The following INO80D variants were observed in gnomAD, a reference collection of about 807,000 sequenced individuals.
INO80D encodes the protein INO80 complex subunit D.
INO80D carries 21 observed loss-of-function variants against 87.6 expected under a neutral mutation model. The observed-to-expected ratio is 0.24, with a 90% CI of 0.17 to 0.35. INO80D has a LOEUF of 0.35. Ranked by LOEUF, INO80D falls within the 10% of genes least tolerant of loss-of-function variation. The pLI, the probability that INO80D is intolerant of heterozygous loss-of-function variation, is 1.00. For synonymous variants in INO80D, 440 were observed against 491.0 expected, an observed-to-expected ratio of 0.90 and a Z score of 1.37; for missense variants, 982 against 1,280.7, an observed-to-expected ratio of 0.77 and a Z score of 3.56.
intron 7 of INO80D, among the ~76,000 whole-genome samples, chr2:206,019,111 T>C (rs762912839): frequency 1.3e-5 from 2 of 152,206 alleles, no homozygotes; most frequent in African/African-American, 2.4e-5. Flanking sequence ...AACAATTAAA[T>C]AGATGGTAAA....
chr2:205,993,801 ACAGT>A lies in INO80D; in HGVS notation c.*10563_*10566del, dbSNP rs952806140. On this transcript the variant is annotated 3_prime_UTR_variant, in exon 11 of 11. Transcript: ENST00000403263. ...GTCACACTATATACAGATAATACATACAGTGTTTCATACACATATTACATCAGTT... is the reference window on the plus strand; with the variant it reads ...GTCACACTATATACAGATAATACATAGTTTCATACACATATTACATCAGTT... 4 of 152,192 alleles carry A rather than the reference ACAGT, an allele frequency of 2.6e-5. No individual in the cohort carries two copies. Among genetic ancestry groups the A allele is most frequent in the African/African-American group, 7.2e-5 (3 of 41,438 alleles). The allele number at this position is 152,192 out of a possible 1,614,324, so 9.4% of individuals were successfully genotyped here.
rs1426745251 is a variant in INO80D, at chr2:206,005,333, G to A, written c.2119C>T (p.Arg707Ter). The A allele has an allele frequency of 1.2e-6, 2 of 1,613,766 alleles. No individual in the cohort carries two copies. Among genetic ancestry groups the A allele is most frequent in the African/African-American group, 1.3e-5 (1 of 74,872 alleles). Residue 707 changes from arginine (R) to a stop codon, truncating the protein, a stop_gained, in exon 11 of 11, where the codon CGA (arginine) becomes TGA (stop). Coordinates refer to ENST00000403263, the MANE Select transcript of INO80D (RefSeq NM_017759.5). LOFTEE classifies it high-confidence loss of function. Reference protein sequence around the residue: ...TGASGIQSLSREVNTDLGELL... With the variant: ...TGASGIQSLS ...TCCCCTAGGTCTGTGTTCACCTCTCGGCTCAAGGATTGTATTCCTGAAGCT... is the reference window on the plus strand; with the variant it reads ...TCCCCTAGGTCTGTGTTCACCTCTCAGCTCAAGGATTGTATTCCTGAAGCT...
chr2:206,018,560 T>C (rs1267190919), intron 7 of INO80D, among the ~76,000 whole-genome samples: 6 of 152,146 alleles, frequency 3.9e-5, no homozygotes, highest in Non-Finnish European at 8.8e-5. Flanking sequence ...CAAATTTGAA[T>C]ATTTTGCTTC....
chr2:206,004,130 A>G lies in INO80D; in HGVS notation c.*238T>C. ...TATCCAGTCACTGTGCTGAACCACTAAGGAAACCACTGGGGCGGAGTGGGC... is the reference window on the plus strand; with the variant it reads ...TATCCAGTCACTGTGCTGAACCACTGAGGAAACCACTGGGGCGGAGTGGGC... On this transcript the variant is annotated 3_prime_UTR_variant, in exon 11 of 11. Coordinates refer to ENST00000403263, the MANE Select transcript of INO80D (RefSeq NM_017759.5). The surrounding 1 kb of genome is among the most constrained non-coding windows in gnomAD (Gnocchi z 4.9). 1 of 565,176 alleles carries G rather than the reference A, an allele frequency of 1.8e-6. No individual in the cohort carries two copies. Among genetic ancestry groups the G allele is most frequent in the Non-Finnish European group, 3.2e-6 (1 of 315,882 alleles). 35.0% of individuals were successfully genotyped at this position (565,176 alleles called of 1,614,324 possible). A position where few individuals can be genotyped will look rare whatever the true frequency, so the allele number is the denominator to read the frequency against.
At chr2:206,059,522 G>C (rs1689629177) in intron 3 of INO80D, among the ~76,000 whole-genome samples, 1 of 152,200 alleles carries the variant, frequency 6.6e-6, no homozygotes, top group African/African-American at 2.4e-5. Context: ...CATCATATAA[G>C]TGTTTTTCTA....
chr2:206,042,722 C>T (rs1473739511), intron 5 of INO80D, among the ~76,000 whole-genome samples: 1 of 151,576 alleles, frequency 6.6e-6, no homozygotes, highest in African/African-American at 2.4e-5. Flanking sequence ...CAGCAGCTCA[C>T]GCCTGTAATC....
In INO80D at chr2:206,007,297, A is replaced by G; in HGVS notation, c.1905T>C (p.Phe635=). Residue 635 remains phenylalanine (F), a synonymous_variant, in exon 10 of 11, where the codon TTT becomes TTC. Transcript: ENST00000403263. ...LPRLPDDLQD[F]DFFEGKNGDL... is the part of the protein sequence containing the mutation. ...TATTGACTATACCTTCAAAAAAATCAAAATCTTGTAAGTCATCAGGTAGCC... is the reference window on the plus strand; with the variant it reads ...TATTGACTATACCTTCAAAAAAATCGAAATCTTGTAAGTCATCAGGTAGCC... 1 of 1,612,510 alleles carries G rather than the reference A, an allele frequency of 6.2e-7. No individual in the cohort carries two copies. The highest frequency in any genetic ancestry group is 8.5e-7 in the Non-Finnish European group (1 of 1,179,526).
At chr2:206,024,209 T>C (rs1688541474) in intron 6 of INO80D, among the ~76,000 whole-genome samples, 1 of 152,200 alleles carries the variant, frequency 6.6e-6, no homozygotes, top group South Asian at 2.1e-4. Flanking sequence ...TTTTGTTCAC[T>C]CGTTCATCAA....
chr2:206,044,908 T>C (rs890802452), intron 5 of INO80D, among the ~76,000 whole-genome samples: 29 of 152,200 alleles, frequency 1.9e-4, no homozygotes, highest in Non-Finnish European at 3.1e-4. Flanking sequence ...CTAAAAAGCT[T>C]AAGCTCAATT....
At chr2:206,060,044 A>T (rs948940406) in intron 3 of INO80D, among the ~76,000 whole-genome samples, 2 of 151,946 alleles carry the variant, frequency 1.3e-5, no homozygotes, top group Non-Finnish European at 2.9e-5. Flanking sequence ...TCTCCACAAA[A>T]AGTTTTCAAA....
intron 9 of INO80D, 61 bp downstream of exon 9, chr2:206,009,516 A>G (rs1688112555): frequency 2.2e-6 from 3 of 1,343,774 alleles, no homozygotes; most frequent in Admixed American, 2.2e-5. Context: ...ACATGAAGCT[A>G]GATGTTCTGA....
rs764924859 is a variant in INO80D at position 206,056,388 on chromosome 2, C to T, written c.774G>A (p.Leu258=). The T allele has an allele frequency of 9.3e-6, 15 of 1,613,828 alleles. No homozygotes were observed. The highest frequency in any genetic ancestry group is 1.1e-5 in the Non-Finnish European group (13 of 1,179,818). Residue 258 remains leucine (L), a synonymous_variant, in exon 4 of 11, where the codon TTG becomes TTA. Coordinates refer to ENST00000403263, the MANE Select transcript of INO80D (RefSeq NM_017759.5). ...GGAGGGGCAGAGGCCTCTTGTGAGA[C>T]AACTGCCGTGCTTGTGCTATAGTGT... ...TTHTIAQARQ[L]SHKRPLPLLP...
At chr2:206,026,078 T>C (rs1390591849) in intron 6 of INO80D, among the ~76,000 whole-genome samples, 1 of 152,016 alleles carries the variant, frequency 6.6e-6, no homozygotes, top group African/African-American at 2.4e-5. Context: ...TTGTATTTTT[T>C]AGTAGAGATG....
Position 206,004,988 on chromosome 2 carries a change from G to T in INO80D, c.2464C>A (p.His822Asn). ...SRQQYSSDHS[H>N]SSPHGSHYDS... ...TAATGGCTTCCATGGGGTGAGGAGT[G>T]TGAGTGATCACTGCTGTATTGCTGT... Residue 822 changes from histidine to asparagine, a missense_variant, in exon 11 of 11, where the codon CAC (histidine) becomes AAC (asparagine). His to Asn is a moderately conservative substitution (Grantham distance 68, BLOSUM62 1). Coordinates refer to ENST00000403263, the MANE Select transcript of INO80D (RefSeq NM_017759.5). This position sits in a 1 kb window ranked among gnomAD's most constrained non-coding sequence, Gnocchi z 4.9. 2 of 1,614,024 alleles carry T rather than the reference G, an allele frequency of 1.2e-6. No homozygotes were observed. Among genetic ancestry groups the T allele is most frequent in the Non-Finnish European group, 1.7e-6 (2 of 1,179,892 alleles).
rs71410859 is a variant in INO80D, at chr2:206,078,061, C to CAA, written c.-124+7838_-124+7839dup. Among the ~76,000 whole-genome samples, 550 of 63,018 alleles carry CAA rather than the reference C, an allele frequency of 8.7e-3. 64 individuals carry two copies. Among genetic ancestry groups the CAA allele is most frequent in the African/African-American group, 0.019 (303 of 15,700 alleles). 41.3% of individuals were successfully genotyped at this position (63,018 alleles called of 152,430 possible). ...TTCCAGCAAGTTGTTGCAATGTTTA[C>CAA]AAAAAAAAAAAAAAAAAAAAAAAAA... On this transcript the variant is annotated intron_variant, in intron 1 of 10. Transcript: ENST00000403263.
chr2:206,034,623 C>T (rs1237912767), intron 5 of INO80D, among the ~76,000 whole-genome samples: 2 of 152,036 alleles, frequency 1.3e-5, no homozygotes, highest in East Asian at 3.9e-4. Context: ...TATAACAAAC[C>T]CACAGCCAAC....
intron 8 of INO80D, among the ~76,000 whole-genome samples, chr2:206,015,151 AG>A: frequency 6.6e-6 from 1 of 152,196 alleles, no homozygotes; most frequent in African/African-American, 2.4e-5. Context: ...ATAGAATAAA[AG>A]TTTGGAAAAT....
chr2:206,037,923 CTT>C (rs1008014319), intron 5 of INO80D, among the ~76,000 whole-genome samples: 46 of 152,124 alleles, frequency 3.0e-4, no homozygotes, highest in African/African-American at 1.0e-3. Context: ...AAAATCATGT[CTT>C]TTGCAGCAAC....
chr2:206,074,677 C>T (rs1270233018), intron 1 of INO80D, among the ~76,000 whole-genome samples: 4 of 152,200 alleles, frequency 2.6e-5, no homozygotes, highest in Non-Finnish European at 5.9e-5. Flanking sequence ...TGGCGGCTCA[C>T]GCCTGTAATT....
Sources: allele counts gnomAD v4.1 joint callset (sites outside exome capture counted in the v4.1 genomes callset), GRCh38; gene constraint gnomAD v4.1.1; non-coding constraint Gnocchi (gnomAD v3.1); transcripts MANE v1.5; gene names NCBI Gene and HGNC (gene_info 2026-07-23, HGNC 2026-07-21).